Variants in GREB1L observed in about 807,000 individuals in gnomAD.
The protein encoded by GREB1L is GREB1 like retinoic acid receptor coactivator, also known as GREB1-like protein.
A neutral mutation model predicts 200.8 loss-of-function variants in GREB1L; 17 were observed. The ratio of observed to expected loss-of-function variants is 0.08; its 90% CI spans 0.06 to 0.13. The LOEUF (loss-of-function observed/expected upper bound fraction) is 0.13. Ranked by LOEUF, GREB1L falls within the 10% of genes least tolerant of loss-of-function variation. The pLI, the probability that GREB1L is intolerant of heterozygous loss-of-function variation, is 1.00. For missense variants in GREB1L, 1,657 were observed against 2,367.7 expected, an observed-to-expected ratio of 0.70 and a Z score of 6.23; for synonymous variants, 789 against 893.0, an observed-to-expected ratio of 0.88 and a Z score of 2.08.
At chr18:21,349,007 T>C (rs1449457709) in intron 1 of GREB1L, among the ~76,000 whole-genome samples, 1 of 152,090 alleles carries the variant, frequency 6.6e-6, no homozygotes, top group Admixed American at 6.6e-5. Flanking sequence ...CTGCCCTCTG[T>C]CTCCAGGGAC....
intron 7 of GREB1L, among the ~76,000 whole-genome samples, chr18:21,432,010 C>T (rs2033193785): frequency 6.6e-6 from 1 of 150,538 alleles, no homozygotes; most frequent in Non-Finnish European, 1.5e-5. Flanking sequence ...GCAAGCTCCG[C>T]CTCCTGGGTT....
chr18:21,342,951 GAA>G (rs1012974807), intron 1 of GREB1L, among the ~76,000 whole-genome samples: 2 of 152,140 alleles, frequency 1.3e-5, no homozygotes, highest in Non-Finnish European at 1.5e-5. Context: ...AGAACAAAGT[GAA>G]GTCTCTGTTT....
chr18:21,447,698 C>A (rs747798224), intron 11 of GREB1L, among the ~76,000 whole-genome samples: 1 of 152,120 alleles, frequency 6.6e-6, no homozygotes, highest in Admixed American at 6.5e-5. Context: ...TGGAAGAAAG[C>A]GTTAAATAAA....
At chr18:21,302,470 G>GA (rs930699834) in intron 1 of GREB1L, among the ~76,000 whole-genome samples, 15 of 151,758 alleles carry the variant, frequency 9.9e-5, no homozygotes, top group African/African-American at 2.9e-4. Flanking sequence ...TTGTAAGGTG[G>GA]AAAAAAAATA....
intron 16 of GREB1L, among the ~76,000 whole-genome samples, chr18:21,474,520 C>A (rs2035609707): frequency 6.6e-6 from 1 of 152,156 alleles, no homozygotes; most frequent in Admixed American, 6.5e-5. Context: ...GCAGAGGCTC[C>A]CAAACCTCAG....
intron 1 of GREB1L, among the ~76,000 whole-genome samples, chr18:21,348,598 A>G (rs991229959): frequency 3.9e-5 from 6 of 151,980 alleles, no homozygotes; most frequent in Non-Finnish European, 5.9e-5. Flanking sequence ...AACATGGTGA[A>G]ACCCTGTCTC....
chr18:21,319,125 CCAG>C (rs2038915147), intron 1 of GREB1L, among the ~76,000 whole-genome samples: 1 of 152,208 alleles, frequency 6.6e-6, no homozygotes, highest in Admixed American at 6.5e-5. Flanking sequence ...CATTCTGGCA[CCAG>C]TGACCATTTG....
intron 19 of GREB1L, among the ~76,000 whole-genome samples, chr18:21,491,763 G>A (rs1276545698): frequency 6.6e-6 from 1 of 151,696 alleles, no homozygotes; most frequent in Non-Finnish European, 1.5e-5. Flanking sequence ...CTTGTGTTCA[G>A]TTAGCTAACC....
chr18:21,498,112 G>A (rs1430208171), intron 21 of GREB1L, among the ~76,000 whole-genome samples: 2 of 151,996 alleles, frequency 1.3e-5, no homozygotes, highest in Non-Finnish European at 1.5e-5. Context: ...GTGAGCCACC[G>A]CGCCCAGCCT....
intron 2 of GREB1L, among the ~76,000 whole-genome samples, chr18:21,372,146 C>CTTTTTTTTTTTTTT (rs1428080234): frequency 6.6e-6 from 1 of 150,396 alleles, no homozygotes; most frequent in African/African-American, 2.5e-5. Flanking sequence ...ACAAATTTGT[C>CTTTTTTTTTTTTTT]TCTCTTTTTT....
rs1251939522 is a variant in GREB1L at position 21,426,279 on chromosome 18, G to A, written c.833-13242G>A. Among the ~76,000 whole-genome samples the A allele has an allele frequency of 7.2e-5, 11 of 151,856 alleles. No individual in the cohort carries two copies. The South Asian group carries it at 1.2e-3, about 17-fold the overall frequency. ...TCACCATGTTAACCAGGCTGGTCTC[G>A]AACTCCTGACCTCGTGATCCGCCTG... On this transcript the variant is annotated intron_variant, in intron 7 of 32. Coordinates refer to ENST00000424526, the MANE Select transcript of GREB1L (RefSeq NM_001142966.3).
chr18:21,249,627 G>A (rs1280972095), intron 1 of GREB1L, among the ~76,000 whole-genome samples: 1 of 152,022 alleles, frequency 6.6e-6, no homozygotes, highest in Admixed American at 6.6e-5. Flanking sequence ...GACCAAGGTC[G>A]GTGGATCACC....
chr18:21,452,015 TG>T, intron 13 of GREB1L, 67 bp from the exon 14 acceptor site: 1 of 1,463,476 alleles, frequency 6.8e-7, no homozygotes, highest in African/African-American at 1.4e-5. Flanking sequence ...CTGCCCAACT[TG>T]GGCAGTTAAT....
chr18:21,391,890 A>G (rs2040824715), intron 4 of GREB1L, among the ~76,000 whole-genome samples: 3 of 152,050 alleles, frequency 2.0e-5, no homozygotes, highest in Admixed American at 2.0e-4. Flanking sequence ...GCTCACTGCA[A>G]CCTCTGCCTC....
chr18:21,519,136 A>G (rs1352321536), intron 31 of GREB1L, among the ~76,000 whole-genome samples: 1 of 152,242 alleles, frequency 6.6e-6, no homozygotes, highest in African/African-American at 2.4e-5. Context: ...AATGAATTAT[A>G]GAATTTTAGA....
chr18:21,274,733 G>A (rs9946988), intron 1 of GREB1L, among the ~76,000 whole-genome samples: 78,973 of 151,364 alleles, frequency 0.52, 21,785 homozygotes, highest in African/African-American at 0.71. Context: ...GTCTCTACAA[G>A]AAAACTAGGC....
At chr18:21,319,455 CTTATA>C (rs1309450147) in intron 1 of GREB1L, among the ~76,000 whole-genome samples, 1 of 152,192 alleles carries the variant, frequency 6.6e-6, no homozygotes, top group Non-Finnish European at 1.5e-5. Flanking sequence ...GCCCTATACT[CTTATA>C]TTGTATTTTC....
intron 1 of GREB1L, among the ~76,000 whole-genome samples, chr18:21,266,654 G>A (rs2037973084): frequency 1.3e-5 from 2 of 152,218 alleles, no homozygotes; most frequent in African/African-American, 4.8e-5. Context: ...GAAAAACACT[G>A]CTGTATAGAA....
At chr18:21,394,452 T>C (rs1044822950) in intron 4 of GREB1L, among the ~76,000 whole-genome samples, 4 of 152,378 alleles carry the variant, frequency 2.6e-5, no homozygotes, top group Middle Eastern at 3.4e-3. Flanking sequence ...AAGTTATATT[T>C]GGTTCAATTC....
Sources: allele counts gnomAD v4.1 joint callset (sites outside exome capture counted in the v4.1 genomes callset), GRCh38; gene constraint gnomAD v4.1.1; transcripts MANE v1.5; gene names NCBI Gene and HGNC (gene_info 2026-07-23, HGNC 2026-07-21).